PRSS55: variants seen among roughly 807,000 people sequenced by gnomAD.
PRSS55 encodes the protein probable serine protease UNQ9391/PRO34284.
Under a neutral mutation model 23.6 loss-of-function variants are expected in PRSS55, and 41 were observed. That is an observed-to-expected ratio of 1.74 (90% confidence interval 1.35 to 2.26). PRSS55 has a LOEUF of 2.26. Ranked by LOEUF, PRSS55 falls within the 30% of genes most tolerant of loss-of-function variation. PRSS55 has a pLI of 0.00. For missense variants in PRSS55, 669 were observed against 439.1 expected (o/e 1.52, Z -4.68); for synonymous variants, 262 against 175.5 (o/e 1.49, Z -3.90).
In PRSS55 at chr8:10,533,014, C is replaced by T. The variant is rs866683259; in HGVS notation, c.707C>T (p.Ala236Val). The change falls in exon 4 of 5, where the codon GCC becomes GTC. Residue 236 changes from alanine to valine, a missense_variant. Physicochemically the swap from Ala to Val is moderately conservative, Grantham distance 64 (BLOSUM62 0). Coordinates refer to ENST00000328655, the MANE Select transcript of PRSS55 (RefSeq NM_198464.4). ...FPKLTKNMLCAGYKNESYDAC... is the reference protein window; with the variant it reads ...FPKLTKNMLCVGYKNESYDAC... ...AAACTTACCAAAAATATGCTGTGTG[C>T]CGGATACAAGAATGAGAGCTATGAT... The T allele has an allele frequency of 6.2e-7, 1 of 1,614,026 alleles. No individual in the cohort carries two copies. The highest frequency in any genetic ancestry group is 2.2e-5 in the East Asian group (1 of 44,904).
intron 4 of PRSS55, among the ~76,000 whole-genome samples, chr8:10,544,460 G>C (rs1463443312): frequency 6.6e-6 from 1 of 152,096 alleles, no homozygotes; most frequent in Non-Finnish European, 1.5e-5. Flanking sequence ...TGTTTATCCA[G>C]TCTGACAATC....
intron 4 of PRSS55, among the ~76,000 whole-genome samples, chr8:10,548,663 G>A (rs571261756): frequency 1.3e-5 from 2 of 152,288 alleles, no homozygotes; most frequent in East Asian, 1.9e-4. Context: ...AGCAGACGAG[G>A]AGCTGTTGGG....
At chr8:10,549,374 G>C (rs574182622) in intron 4 of PRSS55, among the ~76,000 whole-genome samples, 3 of 152,204 alleles carry the variant, frequency 2.0e-5, no homozygotes, top group African/African-American at 7.2e-5. Context: ...GGAGATGGTT[G>C]TAAGAGCCTA....
At chr8:10,529,770 C>T in intron 2 of PRSS55, 71 bp downstream of exon 2, 2 of 1,465,508 alleles carry the variant, frequency 1.4e-6, no homozygotes, top group East Asian at 4.6e-5. Flanking sequence ...CCCTCACCCA[C>T]ACCTGGTGGC....
chr8:10,529,170 G>A (rs776159841), intron 1 of PRSS55, among the ~76,000 whole-genome samples: 1 of 152,224 alleles, frequency 6.6e-6, no homozygotes, highest in African/African-American at 2.4e-5. Context: ...GCCCACCACG[G>A]GGGGTTAGCC....
At chr8:10,537,458 G>A (rs1306082401) in intron 4 of PRSS55, among the ~76,000 whole-genome samples, 1 of 152,180 alleles carries the variant, frequency 6.6e-6, no homozygotes, top group Non-Finnish European at 1.5e-5. Context: ...CCAGAGGCTG[G>A]GGAGGAAAGC....
chr8:10,533,934 T>C (rs1812362220), intron 4 of PRSS55, among the ~76,000 whole-genome samples: 1 of 151,866 alleles, frequency 6.6e-6, no homozygotes, highest in African/African-American at 2.4e-5. Context: ...CCTTGAGAGG[T>C]GGGTACTGAA....
intron 4 of PRSS55, among the ~76,000 whole-genome samples, chr8:10,546,009 G>C (rs1308545787): frequency 6.6e-6 from 1 of 152,056 alleles, no homozygotes; most frequent in Admixed American, 6.5e-5. Flanking sequence ...CAGATGCTGC[G>C]TGAGCAGCTG....
chr8:10,531,773 T>G, intron 3 of PRSS55: 2 of 577,074 alleles, frequency 3.5e-6, no homozygotes, highest in Admixed American at 3.1e-5. Flanking sequence ...CACAGAGCAG[T>G]GTGGTTTGTG....
chr8:10,534,890 A>G (rs971195333), intron 4 of PRSS55, among the ~76,000 whole-genome samples: 5 of 152,220 alleles, frequency 3.3e-5, no homozygotes, highest in African/African-American at 1.2e-4. Flanking sequence ...AAATCAATGT[A>G]CAAAAATTTG....
At chr8:10,528,151 A>G (rs908442000) in intron 1 of PRSS55, among the ~76,000 whole-genome samples, 14 of 148,876 alleles carry the variant, frequency 9.4e-5, no homozygotes, top group Admixed American at 1.4e-4. Flanking sequence ...GTGAGCCGAG[A>G]TGGTGCCACT....
intron 4 of PRSS55, among the ~76,000 whole-genome samples, chr8:10,537,478 C>G (rs187168158): frequency 1.2e-4 from 19 of 152,146 alleles, no homozygotes; most frequent in Admixed American, 9.2e-4. Context: ...CAGGTGGGGA[C>G]TCCAGTTAAG....
chr8:10,542,511 A>G (rs189833549), downstream of PRSS55, among the ~76,000 whole-genome samples: 1 of 152,068 alleles, frequency 6.6e-6, no homozygotes, highest in African/African-American at 2.4e-5. Context: ...TGTATTTAAG[A>G]ATAAAGGGTG....
chr8:10,551,255 C>T (rs1812944871), intron 4 of PRSS55, among the ~76,000 whole-genome samples: 1 of 152,226 alleles, frequency 6.6e-6, no homozygotes, highest in Non-Finnish European at 1.5e-5. Flanking sequence ...CCTTATTTGC[C>T]TTCTTTTCTT....
chr8:10,532,663 G>C (rs577412298), intron 3 of PRSS55, among the ~76,000 whole-genome samples: 1 of 152,368 alleles, frequency 6.6e-6, no homozygotes, highest in East Asian at 1.9e-4. Flanking sequence ...CAAGTTGGAA[G>C]TCTTCTTGGG....
downstream of PRSS55, among the ~76,000 whole-genome samples, chr8:10,543,413 C>CTTTTCTTTTCTTTTCTT (rs1554584922): frequency 1.3e-5 from 1 of 76,484 alleles, no homozygotes; most frequent in Non-Finnish European, 2.7e-5. Flanking sequence ...TTCTTTCTTT[C>CTTTTCTTTTCTTTTCTT]TTCTTTCTTT....
Position 10,531,314 on chromosome 8 carries a change from G to C in PRSS55, c.367G>C (p.Val123Leu), listed in dbSNP as rs141545763. ...EELFPEELSVVLGTNDLTSPS... is the reference protein window; with the variant it reads ...EELFPEELSVLLGTNDLTSPS... ...CACCAGTCCAGAAGAACTGAGTGTC[G>C]TGCTGGGGACCAACGACTTAACTAG... The change falls in exon 3 of 5, where the codon GTG becomes CTG. Residue 123 changes from valine (V) to leucine (L), a missense_variant. Transcript: ENST00000328655. 1.6e-5 allele frequency: 26 copies of C among 1,614,098 alleles called. No individual in the cohort carries two copies. Among genetic ancestry groups the C allele is most frequent in the Non-Finnish European group, 2.2e-5 (26 of 1,180,022 alleles).
At chr8:10,542,513 T>A (rs1301428307), downstream of PRSS55, among the ~76,000 whole-genome samples, 1 of 151,396 alleles carries the variant, frequency 6.6e-6, no homozygotes, top group Non-Finnish European at 1.5e-5. Context: ...TATTTAAGAA[T>A]AAAGGGTGAG....
chr8:10,526,999 C>G (rs1197221839), intron 1 of PRSS55, among the ~76,000 whole-genome samples: 1 of 152,184 alleles, frequency 6.6e-6, no homozygotes, highest in Non-Finnish European at 1.5e-5. Flanking sequence ...GACAGAGAGA[C>G]AGAGGGCACC....
Sources: allele counts gnomAD v4.1 joint callset (sites outside exome capture counted in the v4.1 genomes callset), GRCh38; gene constraint gnomAD v4.1.1; transcripts MANE v1.5; gene names NCBI Gene and HGNC (gene_info 2026-07-23, HGNC 2026-07-21).